DCC: variants seen among roughly 807,000 people sequenced by gnomAD.
DCC encodes the protein netrin receptor DCC.
In DCC, 58 loss-of-function variants were observed where a neutral mutation model predicts 172.5. That is an observed-to-expected ratio of 0.34 (90% CI 0.27 to 0.42). The LOEUF (loss-of-function observed/expected upper bound fraction) is 0.42. Ranked by LOEUF, DCC falls within the 10% of genes least tolerant of loss-of-function variation. The pLI, the probability that DCC is intolerant of heterozygous loss-of-function variation, is 1.00. For synonymous variants in DCC, 709 were observed against 644.5 expected, an observed-to-expected ratio of 1.10 and a Z score of -1.52; for missense variants, 1,740 against 1,791.0, an observed-to-expected ratio of 0.97 and a Z score of 0.51.
intron 7 of DCC, among the ~76,000 whole-genome samples, chr18:53,155,416 C>A (rs764531243): frequency 5.3e-5 from 8 of 152,128 alleles, no homozygotes; most frequent in Non-Finnish European, 1.0e-4. Context: ...AACACGTATT[C>A]CCTAGACTTG....
At chr18:52,398,414 T>A (rs1423018920) in intron 1 of DCC, among the ~76,000 whole-genome samples, 1 of 151,972 alleles carries the variant, frequency 6.6e-6, no homozygotes, top group Non-Finnish European at 1.5e-5. Context: ...ACTAACTTGA[T>A]CATTCTTCTG....
chr18:53,050,092 C>T (rs563766852), intron 5 of DCC, among the ~76,000 whole-genome samples: 25 of 152,236 alleles, frequency 1.6e-4, no homozygotes, highest in South Asian at 4.1e-4. Context: ...GGGCAGGAAG[C>T]ATCCAGCACA....
rs557370039 is a variant in DCC, at chr18:52,589,612, TCTCTGTTCTGTCTAATAAAATGTAG to T, written c.92-162439_92-162415del. 5.4e-4 allele frequency among the ~76,000 whole-genome samples: 82 copies of T among 152,372 alleles called. 4 individuals carry two copies. In the South Asian group the frequency reaches 0.016, roughly 30 times the overall value. On this transcript the variant is annotated intron_variant, in intron 1 of 28. Transcript: ENST00000442544. ...TCCATGGGTTTTTGTACAATCCTCT[TCTCTGTTCTGTCTAATAAAATGTAG>T]CTAACATTTTACTTATTCTTAAAGA... is the stretch of plus-strand genomic sequence containing the variant.
intron 1 of DCC, among the ~76,000 whole-genome samples, chr18:52,724,623 C>T (rs1050472009): frequency 6.6e-6 from 1 of 152,198 alleles, no homozygotes; most frequent in African/African-American, 2.4e-5. Context: ...AACAGACCAG[C>T]ATGATCAGTA....
intron 1 of DCC, among the ~76,000 whole-genome samples, chr18:52,739,273 C>G (rs992841645): frequency 6.6e-6 from 1 of 152,044 alleles, no homozygotes; most frequent in African/African-American, 2.4e-5. Flanking sequence ...AGAATTAGGT[C>G]CATTTTTTTT....
At chr18:52,433,857 A>G (rs895851530) in intron 1 of DCC, among the ~76,000 whole-genome samples, 5 of 152,184 alleles carry the variant, frequency 3.3e-5, no homozygotes, top group Non-Finnish European at 7.3e-5. Flanking sequence ...TCTTTTAATA[A>G]TAATTACATG....
In DCC at chr18:53,098,071, A is replaced by G. The variant is rs184774986; in HGVS notation, c.1261+31905A>G. Among the ~76,000 whole-genome samples, 516 of 152,210 alleles carry G rather than the reference A, an allele frequency of 3.4e-3. 12 individuals carry two copies. The highest frequency in any genetic ancestry group is 3.4e-3 in the Middle Eastern group (1 of 294). ...AAATGCCCCTGTTCTCTGACTTCCT[A>G]CAGAGTACATTGTCTAAATTTCACA... On this transcript the variant is annotated intron_variant, in intron 7 of 28. Transcript: ENST00000442544.
intron 8 of DCC, among the ~76,000 whole-genome samples, chr18:53,170,641 T>A (rs1402832436): frequency 6.6e-6 from 1 of 152,244 alleles, no homozygotes; most frequent in African/African-American, 2.4e-5. Context: ...ACTGCCATTA[T>A]GGCAGAATCC....
chr18:52,867,500 T>C (rs2039246757), intron 2 of DCC, among the ~76,000 whole-genome samples: 1 of 151,470 alleles, frequency 6.6e-6, no homozygotes, highest in Non-Finnish European at 1.5e-5. Context: ...CTGTGAATCC[T>C]CCTGGTCTTG....
intron 9 of DCC, among the ~76,000 whole-genome samples, chr18:53,185,735 C>T (rs1027848155): frequency 3.2e-4 from 48 of 152,120 alleles, no homozygotes; most frequent in African/African-American, 1.1e-3. Flanking sequence ...AGAAATGGTC[C>T]TAACTTTCAA....
intron 13 of DCC, among the ~76,000 whole-genome samples, chr18:53,308,140 C>T (rs921678973): frequency 1.8e-4 from 27 of 151,000 alleles, no homozygotes; most frequent in African/African-American, 6.3e-4. Flanking sequence ...TTTTTGAAAA[C>T]CTAAATATCC....
intron 22 of DCC, among the ~76,000 whole-genome samples, chr18:53,448,047 G>GTTTTTTTTTTTTTTT (rs35238619): frequency 3.5e-5 from 4 of 113,754 alleles, no homozygotes; most frequent in African/African-American, 1.3e-4. Flanking sequence ...ATTTTGATGA[G>GTTTTTTTTTTTTTTT]TTTTTTTTTT....
intron 1 of DCC, chr18:52,419,786 C>T (rs1362935670): frequency 6.6e-6 from 1 of 152,068 alleles, no homozygotes; most frequent in Non-Finnish European, 1.5e-5. Flanking sequence ...CTTATTAAAA[C>T]CCATTTTTTC....
At chr18:53,030,370 G>T (rs1035117987) in intron 5 of DCC, among the ~76,000 whole-genome samples, 2 of 152,058 alleles carry the variant, frequency 1.3e-5, no homozygotes, top group Non-Finnish European at 2.9e-5. Flanking sequence ...TCAATAAAGT[G>T]TGTGGAATGA....
At chr18:52,867,393 T>C (rs2039244697) in intron 2 of DCC, among the ~76,000 whole-genome samples, 1 of 152,312 alleles carries the variant, frequency 6.6e-6, no homozygotes, top group East Asian at 1.9e-4. Flanking sequence ...GCTGGCCTCA[T>C]AAAATGAGTT....
At chr18:53,525,997 C>CTAT (rs1321161670) in intron 27 of DCC, among the ~76,000 whole-genome samples, 2 of 152,098 alleles carry the variant, frequency 1.3e-5, no homozygotes, top group Non-Finnish European at 2.9e-5. Context: ...GAAATATCAT[C>CTAT]TATTTGATAC....
At chr18:52,398,450 A>G (rs916840121) in intron 1 of DCC, among the ~76,000 whole-genome samples, 3 of 151,928 alleles carry the variant, frequency 2.0e-5, no homozygotes, top group Non-Finnish European at 2.9e-5. Context: ...CCATTTTGTG[A>G]CATCCTTTGT....
chr18:53,115,655 C>A (rs2043398221), intron 7 of DCC, among the ~76,000 whole-genome samples: 1 of 151,450 alleles, frequency 6.6e-6, no homozygotes, highest in African/African-American at 2.4e-5. Context: ...AAACAGTTTA[C>A]CTAACTGTTT....
chr18:52,649,973 A>ATTTTTTTTTT (rs71175512), intron 1 of DCC, among the ~76,000 whole-genome samples: 1 of 106,898 alleles, frequency 9.4e-6, no homozygotes, highest in Admixed American at 1.0e-4. Flanking sequence ...TGATAGTTCT[A>ATTTTTTTTTT]TTTTTTTTTT....
Sources: gnomAD v4.1 joint callset for allele counts (sites outside exome capture counted in the v4.1 genomes callset) on GRCh38, gnomAD v4.1.1 for gene constraint, MANE v1.5 for transcripts, NCBI Gene and HGNC (gene_info 2026-07-23, HGNC 2026-07-21) for gene names.